The following UBQLN4 variants were observed in gnomAD, a reference collection of about 807,000 sequenced individuals.
UBQLN4 encodes ubiquilin 4, also known as ubiquilin-4.
A neutral mutation model predicts 60.4 loss-of-function variants in UBQLN4; 11 were observed. The observed-to-expected ratio is 0.18, with a 90% CI of 0.11 to 0.30. The LOEUF (loss-of-function observed/expected upper bound fraction) is 0.30, where lower values mean the gene tolerates loss of function less well. Among genes scored for constraint, UBQLN4 ranks in the 10% least tolerant of loss-of-function variants. UBQLN4 has a pLI of 1.00. For missense variants in UBQLN4, 417 were observed against 795.5 expected (o/e 0.52, Z 5.72); for synonymous variants, 258 against 313.1 (o/e 0.82, Z 1.86).
chr1:156,043,921 G>A, intron 6 of UBQLN4, 77 bp downstream of exon 6: 1 of 1,464,012 alleles, frequency 6.8e-7, no homozygotes, highest in Admixed American at 1.9e-5. Context: ...TCCTGGAGCA[G>A]TATGAACCCC....
intron 5 of UBQLN4, among the ~76,000 whole-genome samples, chr1:156,045,626 C>T (rs974336270): frequency 6.6e-6 from 1 of 152,158 alleles, no homozygotes; most frequent in African/African-American, 2.4e-5. Flanking sequence ...TTGTCTTTTT[C>T]ACTCTTATTC....
At chr1:156,044,399 T>G (rs1683646661) in intron 5 of UBQLN4, among the ~76,000 whole-genome samples, 176 bp from the exon 6 acceptor site, 2 of 152,110 alleles carry the variant, frequency 1.3e-5, no homozygotes, top group African/African-American at 4.8e-5. Context: ...CCTTCCTTGC[T>G]CCATAGGGTG....
intron 10 of UBQLN4, among the ~76,000 whole-genome samples, chr1:156,038,633 G>T (rs539671294): frequency 8.5e-4 from 129 of 152,102 alleles, no homozygotes; most frequent in Middle Eastern, 6.8e-3. Flanking sequence ...CTCCAGCATG[G>T]GGGACAGAGT....
chr1:156,051,008 C>T lies in UBQLN4; in HGVS notation c.478+102G>A, dbSNP rs537124053. The T allele has an allele frequency of 3.7e-5, 44 of 1,175,874 alleles. 1 individual carries two copies. In the South Asian group the frequency reaches 5.6e-4, roughly 15 times the overall value. The allele number at this position is 1,175,874 out of a possible 1,614,324, so 72.8% of individuals were successfully genotyped here. A position where few individuals can be genotyped will look rare whatever the true frequency, so the allele number is the denominator to read the frequency against. ...GGAACTCTGTCATGGGGTCCCCTAT[C>T]CCCATCAGACCAGGAGCAGGAACTC... On this transcript the variant is annotated intron_variant, in intron 3 of 10. Coordinates refer to ENST00000368309, the MANE Select transcript of UBQLN4 (RefSeq NM_020131.5).
intron 5 of UBQLN4, among the ~76,000 whole-genome samples, chr1:156,044,514 G>A (rs1392906391): frequency 6.6e-6 from 1 of 152,050 alleles, no homozygotes; most frequent in African/African-American, 2.4e-5. Flanking sequence ...CATCTCCTAT[G>A]TAACCCACCG....
intron 10 of UBQLN4, among the ~76,000 whole-genome samples, chr1:156,038,582 G>A (rs1163383987): frequency 1.3e-5 from 2 of 152,180 alleles, no homozygotes; most frequent in East Asian, 3.9e-4. Flanking sequence ...GCTTGAACCC[G>A]GGAGGCGGAG....
chr1:156,034,825 CTATA>C (rs34720108), downstream of UBQLN4, among the ~76,000 whole-genome samples: 291 of 46,320 alleles, frequency 6.3e-3, 1 homozygote, highest in African/African-American at 9.0e-3. Flanking sequence ...CCTTAACCTT[CTATA>C]TATATATATA....
At chr1:156,034,816 C>T (rs11809690), downstream of UBQLN4, among the ~76,000 whole-genome samples, 472 of 93,906 alleles carry the variant, frequency 5.0e-3, 7 homozygotes, top group Non-Finnish European at 7.1e-3. Flanking sequence ...TCAGTTATCC[C>T]TTAACCTTCT....
chr1:156,036,709 T>G lies in UBQLN4; in HGVS notation c.*269A>C. 1 of 1,199,660 alleles carries G rather than the reference T, an allele frequency of 8.3e-7. No homozygotes were observed. Among genetic ancestry groups the G allele is most frequent in the Non-Finnish European group, 1.0e-6 (1 of 963,654 alleles). 74.3% of individuals were successfully genotyped at this position (1,199,660 alleles called of 1,614,324 possible). A position where few individuals can be genotyped will look rare whatever the true frequency, so the allele number is the denominator to read the frequency against. On this transcript the variant is annotated 3_prime_UTR_variant, in exon 11 of 11. Coordinates refer to ENST00000368309, the MANE Select transcript of UBQLN4 (RefSeq NM_020131.5). ...GCAAAAGTGGTGTGGGGCAAGGAGG[T>G]AGAGTCAATCAATGAAACTGTGAAA...
chr1:156,049,942 C>T (rs1683823015), intron 4 of UBQLN4, among the ~76,000 whole-genome samples: 1 of 152,224 alleles, frequency 6.6e-6, no homozygotes, highest in African/African-American at 2.4e-5. Context: ...TTTCTTTCCC[C>T]CTGGTTCGTC....
chr1:156,051,584 A>C (rs1572282099), intron 2 of UBQLN4, 122 bp downstream of exon 2: 1 of 1,416,936 alleles, frequency 7.1e-7, no homozygotes, highest in Non-Finnish European at 9.6e-7. Flanking sequence ...GATCATATTC[A>C]TCCAGGAGCT....
At chr1:156,033,937 C>G (rs191574561), downstream of UBQLN4, among the ~76,000 whole-genome samples, 2 of 151,988 alleles carry the variant, frequency 1.3e-5, no homozygotes, top group Non-Finnish European at 2.9e-5. Context: ...GCCTCCAGGT[C>G]AAAGGCAGCC....
chr1:156,042,287 A>G (rs1558086801), intron 7 of UBQLN4, 51 bp from the exon 8 acceptor site: 1 of 1,526,742 alleles, frequency 6.5e-7, no homozygotes. Context: ...CACCCTAAGA[A>G]TTCCCCCACA....
At position 156,048,405 on chromosome 1, in the gene UBQLN4, G is replaced by A; in HGVS notation, c.900+96C>T. 1.4e-6 allele frequency: 2 copies of A among 1,433,822 alleles called. No individual in the cohort carries two copies. Among genetic ancestry groups the A allele is most frequent in the Non-Finnish European group, 1.9e-6 (2 of 1,064,238 alleles). 88.8% of individuals were successfully genotyped at this position (1,433,822 alleles called of 1,614,324 possible). ...CAAGGCCCACCCCTCAGGGGACTGG[G>A]GAAAGAAAGAAGAGCAGGCCCAGGT... On this transcript the variant is annotated intron_variant, in intron 5 of 10. Transcript: ENST00000368309. The surrounding 1 kb of genome is among the most constrained non-coding windows in gnomAD (Gnocchi z 4.9).
chr1:156,048,710 C>A lies in UBQLN4; in HGVS notation c.742-51G>T, dbSNP rs1683783107. On this transcript the variant is annotated intron_variant, in intron 4 of 10. Transcript: ENST00000368309. This position sits in a 1 kb window ranked among gnomAD's most constrained non-coding sequence, Gnocchi z 4.9. ...GGCCCCGGAACCAGGGGAGCACCAA[C>A]CTAGGAAAAGGGTGGGCCTTGAGGA... The A allele has an allele frequency of 1.3e-6, 2 of 1,587,218 alleles. No individual in the cohort carries two copies. The highest frequency in any genetic ancestry group is 2.2e-5 in the South Asian group (2 of 89,188).
At chr1:156,051,668 C>T in intron 2 of UBQLN4, 38 bp downstream of exon 2, 1 of 1,610,236 alleles carries the variant, frequency 6.2e-7, no homozygotes, top group African/African-American at 1.3e-5. Context: ...ATGGGGAGGC[C>T]CAATCAGAAG....
chr1:156,044,194 G>A lies in UBQLN4; in HGVS notation c.930C>T (p.Ala310=), dbSNP rs1382773285. Residue 310 remains alanine (A), a synonymous_variant, in exon 6 of 11, where the codon GCC becomes GCT. Coordinates refer to ENST00000368309, the MANE Select transcript of UBQLN4 (RefSeq NM_020131.5). The part of the protein sequence containing the change: ...QFGNNPFSSL[A]GNSDSSSSQP... ...GGGAGGATGAGCTGTCGGAGTTCCC[G>A]GCCAGGGAAGAGAAGGGATTGTTGC... 2.5e-6 allele frequency: 4 copies of A among 1,569,398 alleles called. No individual in the cohort carries two copies. The highest frequency in any genetic ancestry group is 3.5e-6 in the Non-Finnish European group (4 of 1,156,676).
At chr1:156,042,659 A>C in intron 7 of UBQLN4, 115 bp downstream of exon 7, 1 of 1,445,830 alleles carries the variant, frequency 6.9e-7, no homozygotes, top group Middle Eastern at 2.6e-4. Context: ...GAAGCAGCAG[A>C]GCTTGGGATG....
chr1:156,048,736 A>AG lies in UBQLN4; in HGVS notation c.742-78dup, dbSNP rs1174685397. 8.6e-6 allele frequency: 13 copies of AG among 1,516,864 alleles called. No individual in the cohort carries two copies. The East Asian group carries it at 1.2e-4, about 13-fold the overall frequency. 94.0% of individuals were successfully genotyped at this position (1,516,864 alleles called of 1,614,324 possible). On this transcript the variant is annotated intron_variant, in intron 4 of 10. Coordinates refer to ENST00000368309, the MANE Select transcript of UBQLN4 (RefSeq NM_020131.5). The surrounding 1 kb of genome is among the most constrained non-coding windows in gnomAD (Gnocchi z 4.9). The stretch of plus-strand genomic sequence containing the variant: ...CTAGGAAAAGGGTGGGCCTTGAGGA[A>AG]GGGGGGTCTGTATCAGGATCAGGAC...
Sources: allele counts gnomAD v4.1 joint callset (sites outside exome capture counted in the v4.1 genomes callset), GRCh38; gene constraint gnomAD v4.1.1; non-coding constraint Gnocchi (gnomAD v3.1); transcripts MANE v1.5; gene names NCBI Gene and HGNC (gene_info 2026-07-23, HGNC 2026-07-21).